The following CADPS2 variants were observed in gnomAD, a reference collection of about 807,000 sequenced individuals.
CADPS2 encodes the protein calcium dependent secretion activator 2, also known as calcium-dependent secretion activator 2.
In CADPS2, 93 loss-of-function variants were observed where a neutral mutation model predicts 172.5. The observed-to-expected ratio is 0.54, with a 90% CI of 0.46 to 0.64. The LOEUF is 0.64. Among genes scored for constraint, CADPS2 ranks in the 30% least tolerant of loss-of-function variants. The pLI, the probability that CADPS2 is intolerant of heterozygous loss-of-function variation, is 0.00. For synonymous variants in CADPS2, 546 were observed against 555.2 expected, an observed-to-expected ratio of 0.98 and a Z score of 0.23; for missense variants, 1,420 against 1,565.9, an observed-to-expected ratio of 0.91 and a Z score of 1.57.
At chr7:122,629,668 G>A (rs948663701) in intron 3 of CADPS2, among the ~76,000 whole-genome samples, 4 of 152,090 alleles carry the variant, frequency 2.6e-5, no homozygotes, top group Admixed American at 2.6e-4. Context: ...TCTGGAGGGT[G>A]AGATGCTAAT....
intron 1 of CADPS2, among the ~76,000 whole-genome samples, chr7:122,790,689 T>C (rs1795112820): frequency 6.6e-6 from 1 of 152,192 alleles, no homozygotes; most frequent in African/African-American, 2.4e-5. Flanking sequence ...ACTCATAGCC[T>C]CAGTCATTCT....
chr7:122,541,674 T>C (rs2062992008), intron 8 of CADPS2, among the ~76,000 whole-genome samples: 1 of 146,104 alleles, frequency 6.8e-6, no homozygotes, highest in South Asian at 2.1e-4. Flanking sequence ...TTCATATATG[T>C]TTATATATTT....
intron 1 of CADPS2, among the ~76,000 whole-genome samples, chr7:122,754,620 G>A (rs1446747044): frequency 2.0e-5 from 3 of 152,094 alleles, no homozygotes; most frequent in South Asian, 2.1e-4. Flanking sequence ...GGGATTACAG[G>A]TGCCCACCAT....
At chr7:122,355,876 A>C (rs1008579715) in intron 27 of CADPS2, among the ~76,000 whole-genome samples, 3 of 152,232 alleles carry the variant, frequency 2.0e-5, no homozygotes, top group Non-Finnish European at 4.4e-5. Flanking sequence ...AGATAAAATG[A>C]ATTAACAGTA....
rs531446670 is a variant in CADPS2, at chr7:122,404,853, C to T, written c.2746+2687G>A. Reference sequence around the variant, plus strand: ...AAAATATCTTACATATGGCCGGGCGCGGTGGCTCATGCCTGTAATCCCAGC... The same window carrying T: ...AAAATATCTTACATATGGCCGGGCGTGGTGGCTCATGCCTGTAATCCCAGC... On this transcript the variant is annotated intron_variant, in intron 20 of 29. Coordinates refer to ENST00000449022, the MANE Select transcript of CADPS2 (RefSeq NM_017954.11). Among the ~76,000 whole-genome samples, 9 of 152,164 alleles carry T rather than the reference C, an allele frequency of 5.9e-5. No homozygotes were observed. In the South Asian group the frequency reaches 6.2e-4, roughly 11 times the overall value.
At chr7:122,655,992 C>G (rs933377123) in intron 3 of CADPS2, among the ~76,000 whole-genome samples, 3 of 152,156 alleles carry the variant, frequency 2.0e-5, no homozygotes, top group Admixed American at 1.3e-4. Flanking sequence ...TCTCAGAGAA[C>G]TGAGTGTGCA....
intron 8 of CADPS2, among the ~76,000 whole-genome samples, chr7:122,526,142 C>T (rs1465540068): frequency 1.3e-5 from 2 of 151,954 alleles, no homozygotes; most frequent in African/African-American, 4.8e-5. Flanking sequence ...TGCAGTTGCT[C>T]ACATGGATAA....
intron 10 of CADPS2, 120 bp downstream of exon 10, chr7:122,491,192 A>G (rs2058249515): frequency 1.3e-5 from 7 of 523,526 alleles, no homozygotes; most frequent in Admixed American, 7.7e-5. Context: ...GCCCAGGTAT[A>G]TAAGTGAAAT....
intron 8 of CADPS2, among the ~76,000 whole-genome samples, chr7:122,517,800 T>C (rs2060489167): frequency 6.6e-6 from 1 of 151,992 alleles, no homozygotes; most frequent in East Asian, 1.9e-4. Flanking sequence ...TCTTTTTACC[T>C]CAGAAGGGCT....
At chr7:122,464,944 T>C (rs1026659995) in intron 14 of CADPS2, among the ~76,000 whole-genome samples, 7 of 152,144 alleles carry the variant, frequency 4.6e-5, no homozygotes, top group Non-Finnish European at 8.8e-5. Flanking sequence ...TGTATGACAA[T>C]AACATTAAGG....
chr7:122,586,459 A>G (rs2069709806), intron 6 of CADPS2, among the ~76,000 whole-genome samples: 1 of 151,966 alleles, frequency 6.6e-6, no homozygotes, highest in African/African-American at 2.4e-5. Flanking sequence ...AATTTTCCAC[A>G]TGTCCTAAAC....
chr7:122,762,023 TATATATAC>T (rs1448057540), intron 1 of CADPS2, among the ~76,000 whole-genome samples: 1 of 83,260 alleles, frequency 1.2e-5, no homozygotes, highest in South Asian at 4.9e-4. Context: ...AATATATATA[TATATATAC>T]ACACACACAC....
chr7:122,601,156 T>C (rs2072708488), intron 6 of CADPS2, among the ~76,000 whole-genome samples: 1 of 152,054 alleles, frequency 6.6e-6, no homozygotes, highest in Non-Finnish European at 1.5e-5. Flanking sequence ...TTTTCATCTC[T>C]ACCATTTTGG....
At chr7:122,436,291 A>G (rs2050633557) in intron 17 of CADPS2, 2 of 944,620 alleles carry the variant, frequency 2.1e-6, no homozygotes, top group Non-Finnish European at 2.9e-6. Context: ...ATGTCTCAAC[A>G]AAGTGCTTTA....
At chr7:122,675,097 C>T (rs1003468223) in intron 2 of CADPS2, among the ~76,000 whole-genome samples, 1 of 152,128 alleles carries the variant, frequency 6.6e-6, no homozygotes, top group African/African-American at 2.4e-5. Context: ...AAAAGAGATA[C>T]ACTTTAAAAA....
At chr7:122,416,986 C>T (rs529391447) in intron 17 of CADPS2, among the ~76,000 whole-genome samples, 28 of 152,224 alleles carry the variant, frequency 1.8e-4, no homozygotes, top group East Asian at 1.4e-3. Context: ...TAAATGTTGT[C>T]GGGGATTCAT....
intron 8 of CADPS2, among the ~76,000 whole-genome samples, chr7:122,539,773 CTCTT>C (rs1298356879): frequency 2.6e-5 from 4 of 151,946 alleles, no homozygotes; most frequent in Non-Finnish European, 5.9e-5. Context: ...CTCTGTCTCT[CTCTT>C]TCTGTTTCTC....
chr7:122,627,545 T>C (rs73719724), intron 4 of CADPS2, among the ~76,000 whole-genome samples: 5,451 of 152,236 alleles, frequency 0.036, 311 homozygotes, highest in African/African-American at 0.12. Flanking sequence ...TCACTAACCC[T>C]TTCTTCTGAC....
intron 7 of CADPS2, among the ~76,000 whole-genome samples, chr7:122,570,358 G>A (rs1476673741): frequency 1.3e-5 from 2 of 151,682 alleles, no homozygotes; most frequent in East Asian, 3.9e-4. Context: ...AGTTAGAATG[G>A]CAATCATTAA....
Sources: gnomAD v4.1 joint callset for allele counts (sites outside exome capture counted in the v4.1 genomes callset) on GRCh38, gnomAD v4.1.1 for gene constraint, MANE v1.5 for transcripts, NCBI Gene and HGNC (gene_info 2026-07-23, HGNC 2026-07-21) for gene names.